PCDHA3: variants seen among roughly 807,000 people sequenced by gnomAD.
PCDHA3 encodes protocadherin alpha 3.
Under a neutral mutation model 62.2 loss-of-function variants are expected in PCDHA3, and 41 were observed. That is an observed-to-expected ratio of 0.66 (90% confidence interval 0.51 to 0.86). The LOEUF (loss-of-function observed/expected upper bound fraction) is 0.86, where lower values mean the gene tolerates loss of function less well. Ranked by LOEUF, PCDHA3 falls within the 40% of genes least tolerant of loss-of-function variation. PCDHA3 has a pLI of 0.00. For synonymous variants in PCDHA3, 640 were observed against 555.4 expected (o/e 1.15, Z -2.14); for missense variants, 1,304 against 1,241.2 (o/e 1.05, Z -0.76).
intron 1 of PCDHA3, chr5:140,884,430 T>C: frequency 1.9e-6 from 3 of 1,613,922 alleles, no homozygotes; most frequent in Non-Finnish European, 2.5e-6. Context: ...TATACTGCGC[T>C]GCGGTGCTCG....
rs1563185469 is a variant in PCDHA3 at position 140,941,211 on chromosome 5, CTTCCTTT to C, written c.2395-37737_2395-37731del. On this transcript the variant is annotated intron_variant, in intron 1 of 3. Coordinates refer to ENST00000522353, the MANE Select transcript of PCDHA3 (RefSeq NM_018906.3). The stretch of plus-strand genomic sequence containing the variant: ...TTTTTTTTTCTTTCTTCCTTTCTTT[CTTCCTTT>C]CTTTCTTTCTTTCTTTCTTTCTTTC... Among the ~76,000 whole-genome samples, 1,009 of 129,652 alleles carry C rather than the reference CTTCCTTT, an allele frequency of 7.8e-3. 14 individuals are homozygous for C. Among genetic ancestry groups the C allele is most frequent in the Middle Eastern group, 0.036 (9 of 248 alleles). 85.1% of individuals were successfully genotyped at this position (129,652 alleles called of 152,430 possible).
At chr5:140,808,225 T>C (rs535812009) in intron 1 of PCDHA3, 2 of 1,614,252 alleles carry the variant, frequency 1.2e-6, no homozygotes, top group South Asian at 2.2e-5. Context: ...ACAACGATAA[T>C]GTCCCAGATT....
chr5:141,001,229 A>G (rs1055246744), intron 3 of PCDHA3, among the ~76,000 whole-genome samples: 41 of 152,314 alleles, frequency 2.7e-4, no homozygotes, highest in African/African-American at 9.1e-4. Flanking sequence ...AGTTACATTT[A>G]ATCTATAAAT....
intron 1 of PCDHA3, chr5:140,883,696 G>A (rs142212706): frequency 6.2e-7 from 1 of 1,613,818 alleles, no homozygotes; most frequent in Non-Finnish European, 8.5e-7. Flanking sequence ...ACATCTTCAC[G>A]GTGTCTGCTC....
intron 1 of PCDHA3, among the ~76,000 whole-genome samples, chr5:140,909,383 C>T (rs782249699): frequency 5.9e-5 from 9 of 152,202 alleles, no homozygotes; most frequent in Non-Finnish European, 1.3e-4. Flanking sequence ...GAAACCACAT[C>T]TAGTACAGCA....
intron 1 of PCDHA3, chr5:140,968,967 A>G (rs782494657): frequency 2.5e-6 from 4 of 1,614,216 alleles, no homozygotes; most frequent in East Asian, 2.2e-5. Context: ...TGCTACCGCT[A>G]CACTGCGTAT....
chr5:140,877,850 A>C (rs782804856), intron 1 of PCDHA3: 1 of 1,546,004 alleles, frequency 6.5e-7, no homozygotes, highest in South Asian at 1.3e-5. Context: ...GTAAGTTATT[A>C]ATATTATTTA....
intron 1 of PCDHA3, among the ~76,000 whole-genome samples, chr5:140,933,223 A>G (rs1005553040): frequency 1.3e-5 from 2 of 152,018 alleles, no homozygotes; most frequent in African/African-American, 4.8e-5. Context: ...GTTATATTGC[A>G]TTTATGAAAA....
intron 1 of PCDHA3, chr5:140,858,226 C>G (rs782380359): frequency 1.3e-6 from 2 of 1,595,414 alleles, no homozygotes; most frequent in Admixed American, 1.7e-5. Context: ...CGGCGCCCAC[C>G]GAGGGCGCAT....
intron 1 of PCDHA3, among the ~76,000 whole-genome samples, chr5:140,970,168 G>T (rs1050888983): frequency 6.6e-6 from 1 of 152,168 alleles, no homozygotes; most frequent in Non-Finnish European, 1.5e-5. Context: ...ACCTTTCTTG[G>T]CATACTCTGA....
At chr5:140,854,384 C>T (rs1268523616) in intron 1 of PCDHA3, 1 of 155,336 alleles carries the variant, frequency 6.4e-6, no homozygotes, top group Non-Finnish European at 1.4e-5. Flanking sequence ...TAACTCATTA[C>T]ATTTTAATTC....
Position 140,809,071 on chromosome 5 carries a change from T to G in PCDHA3, c.2394+5480T>G, listed in dbSNP as rs1472268420. ...TCCCGTTCCGCGTGGGGCTGTACAC[T>G]GGCGAGATCAGCACAACGCGTGCCC... On this transcript the variant is annotated intron_variant, in intron 1 of 3. Transcript: ENST00000522353. 11 of 1,613,780 alleles carry G rather than the reference T, an allele frequency of 6.8e-6. No individual in the cohort carries two copies. The African/African-American group carries it at 1.2e-4, about 18-fold the overall frequency.
At chr5:140,850,679 C>A in intron 1 of PCDHA3, 1 of 1,598,496 alleles carries the variant, frequency 6.3e-7, no homozygotes, top group Non-Finnish European at 8.6e-7. Flanking sequence ...CGATGCCCAC[C>A]GAGGGCGAGT....
intron 1 of PCDHA3, chr5:140,862,692 G>A (rs1354476181): frequency 3.2e-5 from 18 of 555,384 alleles, no homozygotes; most frequent in Admixed American, 5.8e-5. Flanking sequence ...TGTCCTACTC[G>A]TTGATGGAAC....
At chr5:140,878,098 A>C in intron 1 of PCDHA3, 1 of 278,310 alleles carries the variant, frequency 3.6e-6, no homozygotes, top group Non-Finnish European at 6.4e-6. Flanking sequence ...TGACTGATGA[A>C]CCTTGAAAAA....
At chr5:140,927,502 A>G (rs1554204633) in intron 1 of PCDHA3, 1 of 1,614,134 alleles carries the variant, frequency 6.2e-7, no homozygotes, top group Non-Finnish European at 8.5e-7. Context: ...GCTGGTGCTT[A>G]CAGCTCGGGA....
chr5:140,878,047 G>A lies in PCDHA3; in HGVS notation c.2394+74456G>A, dbSNP rs574540860. On this transcript the variant is annotated intron_variant, in intron 1 of 3. Transcript: ENST00000522353. Reference sequence around the variant, plus strand: ...ATGTAGGTACAATGGAGGCCATGGAGCACCACACTTAATATTTTTCTTTTT... The same window carrying A: ...ATGTAGGTACAATGGAGGCCATGGAACACCACACTTAATATTTTTCTTTTT... The A allele has an allele frequency of 1.7e-4, 84 of 491,464 alleles. No homozygotes were observed. In the South Asian group the frequency reaches 4.9e-3, roughly 29 times the overall value. 30.4% of individuals were successfully genotyped at this position (491,464 alleles called of 1,614,324 possible).
chr5:140,916,706 G>A (rs1179319029), intron 1 of PCDHA3, among the ~76,000 whole-genome samples: 1 of 152,200 alleles, frequency 6.6e-6, no homozygotes, highest in Admixed American at 6.5e-5. Flanking sequence ...TCCTTAAGCA[G>A]AAGGAAGGAG....
At chr5:140,834,808 T>C in intron 1 of PCDHA3, 1 of 1,612,578 alleles carries the variant, frequency 6.2e-7, no homozygotes, top group Non-Finnish European at 8.5e-7. Flanking sequence ...AATCTGTTCA[T>C]CGCGGAATCC....
Sources: allele counts gnomAD v4.1 joint callset (sites outside exome capture counted in the v4.1 genomes callset), GRCh38; gene constraint gnomAD v4.1.1; transcripts MANE v1.5; gene names NCBI Gene and HGNC (gene_info 2026-07-23, HGNC 2026-07-21).